Variants in SYN3 observed in about 807,000 individuals in gnomAD.
SYN3 encodes synapsin-3.
SYN3 carries 35 observed loss-of-function variants against 65.8 expected under a neutral mutation model. The ratio of observed to expected loss-of-function variants is 0.53; its 90% CI spans 0.41 to 0.70. SYN3 has a LOEUF of 0.70. SYN3 is among the 30% of genes least tolerant of loss of function. The pLI is 0.00. For missense variants in SYN3, 680 were observed against 749.0 expected (o/e 0.91, Z 1.08); for synonymous variants, 270 against 292.9 (o/e 0.92, Z 0.80).
chr22:32,615,476 T>C (rs569909206), intron 6 of SYN3, among the ~76,000 whole-genome samples: 107 of 112,718 alleles, frequency 9.5e-4, no homozygotes, highest in Middle Eastern at 6.3e-3. Flanking sequence ...AAACTACAGA[T>C]GGAGAAATGG....
intron 7 of SYN3, among the ~76,000 whole-genome samples, chr22:32,594,493 CT>C (rs11330231): frequency 0.25 from 36,930 of 145,622 alleles, 5,712 homozygotes; most frequent in East Asian, 0.64. Flanking sequence ...TTTTTCTTTT[CT>C]TTTTTTTTTT....
intron 2 of SYN3, among the ~76,000 whole-genome samples, chr22:33,000,431 A>C (rs1479921037): frequency 6.6e-6 from 1 of 152,148 alleles, no homozygotes; most frequent in East Asian, 1.9e-4. Flanking sequence ...TCTCCAGGTC[A>C]CTGGCCAGGT....
At chr22:32,950,828 C>T (rs2051268131) in intron 3 of SYN3, among the ~76,000 whole-genome samples, 1 of 152,108 alleles carries the variant, frequency 6.6e-6, no homozygotes, top group African/African-American at 2.4e-5. Context: ...TGGTGATTTG[C>T]CGTTCCTCCT....
chr22:32,898,016 A>G (rs1336379691), intron 4 of SYN3, among the ~76,000 whole-genome samples: 1 of 151,406 alleles, frequency 6.6e-6, no homozygotes, highest in East Asian at 1.9e-4. Flanking sequence ...TGTTTTTGAG[A>G]CAGAGTTTCG....
chr22:32,672,098 G>A (rs965663561), intron 6 of SYN3, among the ~76,000 whole-genome samples: 1 of 152,104 alleles, frequency 6.6e-6, no homozygotes, highest in Non-Finnish European at 1.5e-5. Flanking sequence ...ACCCTCCTTT[G>A]CTCTTCCTCC....
At chr22:33,038,134 C>T (rs2053892248) in intron 1 of SYN3, among the ~76,000 whole-genome samples, 1 of 152,198 alleles carries the variant, frequency 6.6e-6, no homozygotes, top group African/African-American at 2.4e-5. Flanking sequence ...AGGCTCCCCA[C>T]CAAAAGCTGC....
At chr22:32,729,102 G>T (rs743739) in intron 6 of SYN3, among the ~76,000 whole-genome samples, 71,078 of 151,982 alleles carry the variant, frequency 0.47, 17,212 homozygotes, top group African/African-American at 0.61. Flanking sequence ...GTCTGAAGTT[G>T]TTTTACTCAT....
At chr22:32,720,275 G>A (rs1458593872) in intron 6 of SYN3, among the ~76,000 whole-genome samples, 1 of 152,138 alleles carries the variant, frequency 6.6e-6, no homozygotes, top group African/African-American at 2.4e-5. Flanking sequence ...GTCACAGATT[G>A]CTCTGTTGCG....
intron 6 of SYN3, among the ~76,000 whole-genome samples, chr22:32,813,975 G>A (rs1783075117): frequency 6.6e-6 from 1 of 152,020 alleles, no homozygotes; most frequent in Admixed American, 6.6e-5. Flanking sequence ...TGGTATTACT[G>A]CCTCCCCTTA....
At chr22:32,532,696 GTGGGCCCC>G (rs1287335048) in intron 10 of SYN3, among the ~76,000 whole-genome samples, 2 of 152,152 alleles carry the variant, frequency 1.3e-5, no homozygotes, top group African/African-American at 4.8e-5. Flanking sequence ...CTGCTTGGCC[GTGGGCCCC>G]TGGGGAGCGA....
At chr22:32,795,995 C>T (rs1005673230) in intron 6 of SYN3, among the ~76,000 whole-genome samples, 1 of 152,166 alleles carries the variant, frequency 6.6e-6, no homozygotes, top group Non-Finnish European at 1.5e-5. Context: ...ATGACAGCAC[C>T]TGGCTGAGAT....
intron 2 of SYN3, among the ~76,000 whole-genome samples, chr22:33,005,177 C>T (rs1002274381): frequency 2.0e-5 from 3 of 152,138 alleles, no homozygotes; most frequent in African/African-American, 4.8e-5. Context: ...TACCCAGTCT[C>T]GGGCAGTTCT....
chr22:32,822,923 CAACAACA>C (rs759007186), intron 6 of SYN3, among the ~76,000 whole-genome samples: 8 of 21,890 alleles, frequency 3.7e-4, no homozygotes, highest in African/African-American at 5.6e-4. Context: ...ACAACAACAA[CAACAACA>C]AAAAAAAAAC....
chr22:32,515,072 T>C (rs374207370), intron 13 of SYN3, among the ~76,000 whole-genome samples: 1 of 152,246 alleles, frequency 6.6e-6, no homozygotes, highest in East Asian at 1.9e-4. Flanking sequence ...TTTTACTCCT[T>C]GCTTATTACC....
chr22:32,592,082 G>C (rs2059135425), intron 7 of SYN3, among the ~76,000 whole-genome samples: 1 of 152,186 alleles, frequency 6.6e-6, no homozygotes, highest in African/African-American at 2.4e-5. Flanking sequence ...TAATGATTCA[G>C]AACTATCAGT....
intron 7 of SYN3, among the ~76,000 whole-genome samples, chr22:32,550,168 T>C (rs555418139): frequency 6.6e-6 from 1 of 152,276 alleles, no homozygotes; most frequent in East Asian, 1.9e-4. Context: ...TTATTTCAAG[T>C]GACTTTGTAA....
At chr22:33,009,143 TACC>T (rs2053283592) in intron 1 of SYN3, among the ~76,000 whole-genome samples, 1 of 151,984 alleles carries the variant, frequency 6.6e-6, no homozygotes, top group Non-Finnish European at 1.5e-5. Context: ...TTTGGGAAAA[TACC>T]TAGGAGTTAA....
At chr22:32,722,482 T>C (rs911557337) in intron 6 of SYN3, among the ~76,000 whole-genome samples, 3 of 152,164 alleles carry the variant, frequency 2.0e-5, no homozygotes, top group Non-Finnish European at 4.4e-5. Context: ...CTCACTGAGA[T>C]AGAGAAGACC....
At chr22:32,744,902 C>T (rs929670031) in intron 6 of SYN3, among the ~76,000 whole-genome samples, 8 of 152,078 alleles carry the variant, frequency 5.3e-5, no homozygotes, top group Admixed American at 2.0e-4. Context: ...GTGGGAGAGC[C>T]GGGGAGTCGG....
Sources: allele counts gnomAD v4.1 joint callset (sites outside exome capture counted in the v4.1 genomes callset), GRCh38; gene constraint gnomAD v4.1.1; transcripts MANE v1.5; gene names NCBI Gene and HGNC (gene_info 2026-07-23, HGNC 2026-07-21).